The following FGF10 variants were observed in gnomAD, a reference collection of about 807,000 sequenced individuals.
The protein encoded by FGF10 is FGF-10.
In FGF10, 2 loss-of-function variants were observed where a neutral mutation model predicts 19.8. The ratio of observed to expected loss-of-function variants is 0.10; its 90% confidence interval spans 0.04 to 0.32. The LOEUF is 0.32. Ranked by LOEUF, FGF10 falls within the 10% of genes least tolerant of loss-of-function variation. The pLI, the probability that FGF10 is intolerant of heterozygous loss-of-function variation, is 1.00. For synonymous variants in FGF10, 112 were observed against 94.0 expected (o/e 1.19, Z -1.10); for missense variants, 191 against 246.3 (o/e 0.78, Z 1.50).
intron 1 of FGF10, among the ~76,000 whole-genome samples, chr5:44,350,578 T>A (rs2111821090): frequency 6.6e-6 from 1 of 151,258 alleles, no homozygotes; most frequent in East Asian, 2.0e-4. Context: ...AACATATACA[T>A]ACATACAACA....
In FGF10 at chr5:44,389,118, G is replaced by T; in HGVS notation, c.-436C>A. On this transcript the variant is annotated 5_prime_UTR_variant, in exon 1 of 3. Coordinates refer to ENST00000264664, the MANE Select transcript of FGF10 (RefSeq NM_004465.2). Reference sequence around the variant, plus strand: ...AGGGAGGTGGGGTGGGGAATAGGGGGAGATATCTGCACCCCTCTGCGGTTG... The same window carrying T: ...AGGGAGGTGGGGTGGGGAATAGGGGTAGATATCTGCACCCCTCTGCGGTTG... The T allele has an allele frequency of 3.4e-6, 1 of 297,492 alleles. No homozygotes were observed. The highest frequency in any genetic ancestry group is 3.5e-5 in the South Asian group (1 of 28,670). 18.4% of individuals were successfully genotyped at this position (297,492 alleles called of 1,614,324 possible).
intron 1 of FGF10, among the ~76,000 whole-genome samples, chr5:44,340,058 C>T (rs1454100446): frequency 6.6e-6 from 1 of 152,100 alleles, no homozygotes; most frequent in East Asian, 1.9e-4. Context: ...TGACCACTTG[C>T]CACTACTAAG....
chr5:44,310,156 C>T (rs867228988), intron 2 of FGF10, among the ~76,000 whole-genome samples: 1 of 152,044 alleles, frequency 6.6e-6, no homozygotes, highest in Non-Finnish European at 1.5e-5. Context: ...CGGATGCTTC[C>T]GTGAGAGCCT....
chr5:44,369,811 C>A (rs1257029348), intron 1 of FGF10, among the ~76,000 whole-genome samples: 1 of 152,106 alleles, frequency 6.6e-6, no homozygotes, highest in Non-Finnish European at 1.5e-5. Context: ...AACTTTCTCC[C>A]TTTCCAGAAT....
chr5:44,340,487 C>A (rs1740944588), intron 1 of FGF10, among the ~76,000 whole-genome samples: 1 of 151,984 alleles, frequency 6.6e-6, no homozygotes, highest in African/African-American at 2.4e-5. Context: ...ACATTATATG[C>A]AGCATGAAAA....
intron 1 of FGF10, among the ~76,000 whole-genome samples, chr5:44,376,501 A>AAAC (rs1741861929): frequency 1.8e-5 from 2 of 112,462 alleles, no homozygotes; most frequent in East Asian, 2.1e-4. Flanking sequence ...AAAAAAAAAA[A>AAAC]AAAAAAAAAA....
chr5:44,358,653 C>A (rs900955247), intron 1 of FGF10, among the ~76,000 whole-genome samples: 7 of 151,444 alleles, frequency 4.6e-5, no homozygotes, highest in Non-Finnish European at 8.9e-5. Context: ...CCTCGTAATG[C>A]AGTTTCACCA....
rs1358539837 is a variant in FGF10, at chr5:44,300,810, C to A, written c.*4185G>T. 6.6e-6 allele frequency among the ~76,000 whole-genome samples: 1 copy of A among 151,868 alleles called. No homozygotes were observed. Among genetic ancestry groups the A allele is most frequent in the East Asian group, 1.9e-4 (1 of 5,172 alleles). On this transcript the variant is annotated 3_prime_UTR_variant, in exon 3 of 3. Coordinates refer to ENST00000264664, the MANE Select transcript of FGF10 (RefSeq NM_004465.2). Reference sequence around the variant, plus strand: ...TGTGGTCATGTCACTGAAGATTGGTCAATCACAATTCCCAAATCTCTTATA... The same window carrying A: ...TGTGGTCATGTCACTGAAGATTGGTAAATCACAATTCCCAAATCTCTTATA...
intron 2 of FGF10, among the ~76,000 whole-genome samples, chr5:44,305,464 A>C (rs1398610352): frequency 6.6e-6 from 1 of 152,178 alleles, no homozygotes; most frequent in African/African-American, 2.4e-5. Flanking sequence ...TGAATATTAT[A>C]TGGTTTAAGT....
intron 1 of FGF10, 64 bp downstream of exon 1, chr5:44,388,294 T>A (rs774516773): frequency 3.5e-5 from 52 of 1,487,808 alleles, no homozygotes; most frequent in Non-Finnish European, 4.8e-5. Context: ...GGAACAGATT[T>A]TTCCCCCCCG....
rs532457054 is a variant in FGF10 at position 44,305,079 on chromosome 5, A to G, written c.543T>C (p.Asn181=). ...GTCCTCTCCTTGGAGCTCCTTTTCC[A>G]TTCAATGCCACATACATTTGCCTCC... is the stretch of plus-strand genomic sequence containing the variant. ...HNGRQMYVAL[N]GKGAPRRGQK... The change falls in exon 3 of 3, where the codon AAT becomes AAC. Residue 181 remains asparagine, a synonymous_variant. Coordinates refer to ENST00000264664, the MANE Select transcript of FGF10 (RefSeq NM_004465.2). 2 of 1,613,978 alleles carry G rather than the reference A, an allele frequency of 1.2e-6. No individual in the cohort carries two copies. The highest frequency in any genetic ancestry group is 1.7e-5 in the Admixed American group (1 of 60,008).
At chr5:44,333,886 G>T (rs1740790427) in intron 1 of FGF10, among the ~76,000 whole-genome samples, 1 of 152,040 alleles carries the variant, frequency 6.6e-6, no homozygotes, top group Non-Finnish European at 1.5e-5. Context: ...GTAGGAAGAG[G>T]CAGCGGGAGG....
chr5:44,351,043 C>T (rs886857808), intron 1 of FGF10, among the ~76,000 whole-genome samples: 1 of 151,420 alleles, frequency 6.6e-6, no homozygotes, highest in Non-Finnish European at 1.5e-5. Context: ...AGACTGCTTA[C>T]TCTGGCATTG....
At chr5:44,370,200 C>T (rs573487017) in intron 1 of FGF10, among the ~76,000 whole-genome samples, 10 of 152,214 alleles carry the variant, frequency 6.6e-5, no homozygotes, top group Non-Finnish European at 1.5e-5. Context: ...CTTCTCCAAG[C>T]CTGTTTTCTA....
chr5:44,343,351 G>T (rs1741013833), intron 1 of FGF10, among the ~76,000 whole-genome samples: 1 of 151,828 alleles, frequency 6.6e-6, no homozygotes, highest in African/African-American at 2.4e-5. Context: ...TCAACCATAG[G>T]AAATACGACT....
Position 44,304,722 on chromosome 5 carries a change from C to CA in FGF10, c.*272dup, listed in dbSNP as rs1177884884. On this transcript the variant is annotated 3_prime_UTR_variant, in exon 3 of 3. Transcript: ENST00000264664. ...AAAAACAAAAACTTGACAACAACAA[C>CA]AAAAAACCCAGCCACAATGTTTTTC... 8 of 409,494 alleles carry CA rather than the reference C, an allele frequency of 2.0e-5. No individual in the cohort carries two copies. The highest frequency in any genetic ancestry group is 3.9e-5 in the Admixed American group (1 of 25,368). 25.4% of individuals were successfully genotyped at this position (409,494 alleles called of 1,614,324 possible). A position where few individuals can be genotyped will look rare whatever the true frequency, so the allele number is the denominator to read the frequency against.
chr5:44,336,501 A>G (rs1035219994), intron 1 of FGF10, among the ~76,000 whole-genome samples: 1 of 151,830 alleles, frequency 6.6e-6, no homozygotes, highest in African/African-American at 2.4e-5. Context: ...ATTTCCCCAC[A>G]CCCTCCTCCT....
chr5:44,374,368 C>A (rs930800289), intron 1 of FGF10, among the ~76,000 whole-genome samples: 1 of 152,130 alleles, frequency 6.6e-6, no homozygotes, highest in African/African-American at 2.4e-5. Context: ...AAAAACTTTA[C>A]AAATACAGTA....
intron 1 of FGF10, among the ~76,000 whole-genome samples, chr5:44,334,732 A>G: frequency 6.6e-6 from 1 of 152,184 alleles, no homozygotes; most frequent in Non-Finnish European, 1.5e-5. Context: ...CTCTAAAAAA[A>G]TGATACTATT....
Sources: allele counts gnomAD v4.1 joint callset (sites outside exome capture counted in the v4.1 genomes callset), GRCh38; gene constraint gnomAD v4.1.1; transcripts MANE v1.5; gene names NCBI Gene and HGNC (gene_info 2026-07-23, HGNC 2026-07-21).